FGF13: variants seen among roughly 807,000 people sequenced by gnomAD.
The protein encoded by FGF13 is fibroblast growth factor 13.
Under a neutral mutation model 19.5 loss-of-function variants are expected in FGF13, and 2 were observed. That is an observed-to-expected ratio of 0.10 (90% CI 0.04 to 0.32). FGF13 has a LOEUF of 0.32. Ranked by LOEUF, FGF13 falls within the 10% of genes least tolerant of loss-of-function variation. FGF13 has a pLI of 1.00. For synonymous variants in FGF13, 72 were observed against 76.9 expected (o/e 0.94, Z 0.33); for missense variants, 113 against 192.7 (o/e 0.59, Z 2.45).
intron 1 of FGF13, among the ~76,000 whole-genome samples, chrX:139,116,044 C>T (rs932799873): frequency 8.9e-6 from 1 of 112,134 alleles, no homozygotes; most frequent in Non-Finnish European, 1.9e-5. Flanking sequence ...GAATACAGTT[C>T]AACAAATTTT....
chrX:139,067,122 G>C (rs1421529500), intron 1 of FGF13, among the ~76,000 whole-genome samples: 2 of 111,409 alleles, frequency 1.8e-5, no homozygotes, highest in Non-Finnish European at 3.8e-5. Context: ...GGTACTGATG[G>C]AACATAATTG....
intron 3 of FGF13, among the ~76,000 whole-genome samples, chrX:138,636,611 T>C (rs1602638940): frequency 8.9e-6 from 1 of 112,054 alleles, no homozygotes; most frequent in Admixed American, 9.4e-5. Flanking sequence ...AAGTAATCCA[T>C]AGAGTAGCAA....
At chrX:139,069,868 C>G (rs1438091579) in intron 1 of FGF13, among the ~76,000 whole-genome samples, 1 of 112,115 alleles carries the variant, frequency 8.9e-6, no homozygotes, top group Admixed American at 9.4e-5. Context: ...CTGACAACAA[C>G]AAGAAATGGG....
At chrX:138,984,585 AAGAAGGAGG>A (rs1355215231) in intron 1 of FGF13, among the ~76,000 whole-genome samples, 41 of 18,332 alleles carry the variant, frequency 2.2e-3, no homozygotes, top group African/African-American at 6.1e-3. Context: ...GAAGAAGAAG[AAGAAGGAGG>A]AGGAGGAGGA....
intron 3 of FGF13, among the ~76,000 whole-genome samples, chrX:138,773,035 T>TA (rs752536704): frequency 0.013 from 1,236 of 97,068 alleles, 9 homozygotes; most frequent in African/African-American, 0.032. Context: ...CTATATTTAG[T>TA]AAAAAAAAAA....
At chrX:138,984,623 A>C (rs28649112) in intron 1 of FGF13, among the ~76,000 whole-genome samples, 1 of 23,802 alleles carries the variant, frequency 4.2e-5, no homozygotes, top group Non-Finnish European at 8.8e-5. Flanking sequence ...AGGATGAGGA[A>C]GAGGAGGAGG....
chrX:138,658,560 G>A (rs1167795509), intron 3 of FGF13, among the ~76,000 whole-genome samples: 3 of 111,795 alleles, frequency 2.7e-5, no homozygotes, highest in Admixed American at 9.5e-5. Context: ...ATAATAGTAC[G>A]GAAAATAACT....
intron 1 of FGF13, among the ~76,000 whole-genome samples, chrX:139,085,419 C>T (rs1402909916): frequency 8.9e-6 from 1 of 111,816 alleles, no homozygotes; most frequent in Non-Finnish European, 1.9e-5. Context: ...AAGCACATAG[C>T]ACAATGCCTG....
At chrX:138,774,427 C>G (rs1336511753) in intron 3 of FGF13, among the ~76,000 whole-genome samples, 1 of 111,445 alleles carries the variant, frequency 9.0e-6, no homozygotes, top group African/African-American at 3.3e-5. Context: ...TGTGATCTCA[C>G]TTGATATATG....
Position 138,920,227 on chromosome X carries a change from A to G in FGF13, c.-112-55577T>C, listed in dbSNP as rs1362375364. Among the ~76,000 whole-genome samples, 7 of 111,447 alleles carry G rather than the reference A, an allele frequency of 6.3e-5. No homozygotes were observed. In the Admixed American group the frequency reaches 6.7e-4, roughly 11 times the overall value. On this transcript the variant is annotated intron_variant, in intron 1 of 2. Coordinates refer to the FGF13 transcript ENST00000421460. ...TTGAAGTCAAGCATAACTCATTTAA[A>G]TCATATGACTGTCACTAATTAGCTA...
chrX:138,659,338 CA>C (rs2089467069), intron 3 of FGF13, among the ~76,000 whole-genome samples: 1 of 111,554 alleles, frequency 9.0e-6, no homozygotes, highest in African/African-American at 3.3e-5. Flanking sequence ...ACATTAGGTG[CA>C]AATCAAAACC....
intron 1 of FGF13, among the ~76,000 whole-genome samples, chrX:138,910,852 G>C (rs1250521064): frequency 8.9e-6 from 1 of 112,273 alleles, no homozygotes; most frequent in Non-Finnish European, 1.9e-5. Flanking sequence ...AATCCAGGCT[G>C]ATCTGATTTC....
At chrX:139,172,579 G>A (rs756384198) in intron 1 of FGF13, among the ~76,000 whole-genome samples, 1 of 111,572 alleles carries the variant, frequency 9.0e-6, no homozygotes, top group Non-Finnish European at 1.9e-5. Flanking sequence ...AAGCTCTAAA[G>A]ACAAAAATCT....
chrX:139,083,815 A>G (rs1054176668), intron 1 of FGF13, among the ~76,000 whole-genome samples: 3 of 111,309 alleles, frequency 2.7e-5, no homozygotes, highest in Non-Finnish European at 3.8e-5. Flanking sequence ...AGGTTGCAGT[A>G]AGCCGAGATC....
intron 1 of FGF13, among the ~76,000 whole-genome samples, chrX:139,105,419 A>G (rs997041879): frequency 4.5e-5 from 5 of 111,365 alleles, no homozygotes; most frequent in Non-Finnish European, 9.4e-5. Context: ...GTCTGACCTC[A>G]TGATGCAGGT....
At chrX:138,962,808 G>C (rs2091878934) in intron 1 of FGF13, among the ~76,000 whole-genome samples, 1 of 111,286 alleles carries the variant, frequency 9.0e-6, no homozygotes, top group African/African-American at 3.3e-5. Context: ...AGAACACTTG[G>C]ACACAGGGTG....
chrX:139,200,977 C>G (rs1247792572), intron 1 of FGF13, among the ~76,000 whole-genome samples: 1 of 112,053 alleles, frequency 8.9e-6, no homozygotes, highest in Non-Finnish European at 1.9e-5. Flanking sequence ...GGAAACAGAT[C>G]CTCCGGTCCA....
At chrX:138,659,823 C>T in intron 3 of FGF13, among the ~76,000 whole-genome samples, 1 of 111,632 alleles carries the variant, frequency 9.0e-6, no homozygotes, top group East Asian at 2.8e-4. Context: ...AAACCAAACA[C>T]CACAAGTTTT....
intron 3 of FGF13, among the ~76,000 whole-genome samples, chrX:138,776,737 C>A (rs1003378126): frequency 8.9e-6 from 1 of 111,871 alleles, no homozygotes. Flanking sequence ...ATACTTATAT[C>A]CTCATCTGTG....
Sources: allele counts gnomAD v4.1 joint callset (sites outside exome capture counted in the v4.1 genomes callset), GRCh38; gene constraint gnomAD v4.1.1; transcripts MANE v1.5; gene names NCBI Gene and HGNC (gene_info 2026-07-23, HGNC 2026-07-21).